CADPS: variants seen among roughly 807,000 people sequenced by gnomAD.
The protein encoded by CADPS is calcium-dependent secretion activator 1.
In CADPS, 57 loss-of-function variants were observed where a neutral mutation model predicts 167.3. The observed-to-expected ratio is 0.34, with a 90% CI of 0.28 to 0.42. CADPS has a LOEUF of 0.42. CADPS is among the 20% of genes least tolerant of loss of function. The pLI is 1.00. For missense variants in CADPS, 1,414 were observed against 1,738.1 expected (o/e 0.81, Z 3.32); for synonymous variants, 676 against 635.3 (o/e 1.06, Z -0.96).
intron 19 of CADPS, among the ~76,000 whole-genome samples, chr3:62,493,215 CA>C (rs752873050): frequency 2.6e-5 from 4 of 152,140 alleles, no homozygotes; most frequent in East Asian, 1.9e-4. Flanking sequence ...TGCAGGGTCT[CA>C]GGGGGTGACA....
chr3:62,622,429 C>A (rs967014539), intron 6 of CADPS, among the ~76,000 whole-genome samples: 12 of 152,156 alleles, frequency 7.9e-5, no homozygotes, highest in Admixed American at 5.9e-4. Context: ...GCTGAACAAT[C>A]AGGCCCATAT....
chr3:62,505,737 C>T (rs1243582685), intron 17 of CADPS, among the ~76,000 whole-genome samples: 1 of 152,172 alleles, frequency 6.6e-6, no homozygotes, highest in African/African-American at 2.4e-5. Flanking sequence ...GCTCCTCTGT[C>T]GATGCTTCTA....
Position 62,420,370 on chromosome 3 carries a change from T to C in CADPS, c.3778-17185A>G, listed in dbSNP as rs2051033741. On this transcript the variant is annotated intron_variant, in intron 28 of 29. Transcript: ENST00000383710. This position sits in a 1 kb window ranked among gnomAD's most constrained non-coding sequence, Gnocchi z 4.1. ...TCATAAGGGAAGAACATGATCTTTT[T>C]AGGAGCTGGATATGGCATTGAGTGG... Among the ~76,000 whole-genome samples the C allele has an allele frequency of 6.6e-6, 1 of 152,226 alleles. No individual in the cohort carries two copies. Among genetic ancestry groups the C allele is most frequent in the Admixed American group, 6.5e-5 (1 of 15,284 alleles).
At chr3:62,573,895 C>T (rs574793266) in intron 8 of CADPS, among the ~76,000 whole-genome samples, 27 of 152,300 alleles carry the variant, frequency 1.8e-4, no homozygotes, top group Admixed American at 1.2e-3. Context: ...TTCTGAATTC[C>T]TTTCAGTTCC....
intron 3 of CADPS, among the ~76,000 whole-genome samples, chr3:62,741,272 T>G (rs2080180413): frequency 6.6e-6 from 1 of 152,162 alleles, no homozygotes; most frequent in Non-Finnish European, 1.5e-5. Flanking sequence ...TAACTGATTT[T>G]ATAAGGCCAG....
At chr3:62,439,608 C>T (rs2055880510) in intron 27 of CADPS, 1 of 152,170 alleles carries the variant, frequency 6.6e-6, no homozygotes, top group South Asian at 2.1e-4. Flanking sequence ...TAAGCAGGCA[C>T]CTCTCTCCTT....
At chr3:62,610,772 C>T (rs531267446) in intron 6 of CADPS, among the ~76,000 whole-genome samples, 1 of 152,036 alleles carries the variant, frequency 6.6e-6, no homozygotes, top group Non-Finnish European at 1.5e-5. Context: ...ACTAGCCAGG[C>T]CTCCTCAGTC....
chr3:62,633,040 A>G (rs527582600), intron 6 of CADPS, among the ~76,000 whole-genome samples: 1 of 152,214 alleles, frequency 6.6e-6, no homozygotes, highest in South Asian at 2.1e-4. Flanking sequence ...ACAAATTGAC[A>G]AGCAGTGTGT....
In CADPS at chr3:62,875,183, C is replaced by G. The variant is rs2083442247; in HGVS notation, c.-154G>C. 2 of 1,035,782 alleles carry G rather than the reference C, an allele frequency of 1.9e-6. No individual in the cohort carries two copies. The highest frequency in any genetic ancestry group is 4.5e-5 in the Admixed American group (1 of 22,250). The allele number at this position is 1,035,782 out of a possible 1,614,324, so 64.2% of individuals were successfully genotyped here. On this transcript the variant is annotated 5_prime_UTR_variant, in exon 1 of 30. Transcript: ENST00000383710. Reference sequence around the variant, plus strand: ...TGCTGCTCAGCCTCGGCCGCCGCGACTGATCCTCTGCCCGGCGGTCGCGAG... The same window carrying G: ...TGCTGCTCAGCCTCGGCCGCCGCGAGTGATCCTCTGCCCGGCGGTCGCGAG...
rs1360800919 is a variant in CADPS at position 62,753,884 on chromosome 3, C to A, written c.556-111G>T. 5.0e-6 allele frequency: 5 copies of A among 995,566 alleles called. No homozygotes were observed. The highest frequency in any genetic ancestry group is 1.6e-5 in the African/African-American group (1 of 61,318). The allele number at this position is 995,566 out of a possible 1,614,324, so 61.7% of individuals were successfully genotyped here. On this transcript the variant is annotated intron_variant, in intron 2 of 29. Transcript: ENST00000383710. This position sits in a 1 kb window ranked among gnomAD's most constrained non-coding sequence, Gnocchi z 4.6. Reference sequence around the variant, plus strand: ...ACCTCACGTGCATCCCAGGAGGAACCACTGTGGGTCTCACCCTGCCCCACC... The same window carrying A: ...ACCTCACGTGCATCCCAGGAGGAACAACTGTGGGTCTCACCCTGCCCCACC...
intron 1 of CADPS, among the ~76,000 whole-genome samples, chr3:62,866,418 C>T (rs2081692530): frequency 6.6e-6 from 1 of 152,008 alleles, no homozygotes; most frequent in Non-Finnish European, 1.5e-5. Context: ...ACACCTACTA[C>T]ATGTCAGGTA....
At chr3:62,499,132 T>C (rs376234329) in intron 18 of CADPS, 30 bp downstream of exon 18, 72 of 1,416,604 alleles carry the variant, frequency 5.1e-5, no homozygotes, top group Non-Finnish European at 6.9e-5. Flanking sequence ...TAAGGGACAG[T>C]AAGATACACT....
At position 62,727,836 on chromosome 3, in the gene CADPS, A is replaced by T. The variant is rs145158461; in HGVS notation, c.888+25605T>A. Among the ~76,000 whole-genome samples the T allele has an allele frequency of 1.5e-3, 234 of 151,976 alleles. 7 individuals are homozygous for T. Among genetic ancestry groups the T allele is most frequent in the African/African-American group, 5.5e-3 (225 of 41,276 alleles). ...AAGCTTCCCCTCAAATACTTAGCTCACTTATACCCAGAGTGACACTAAAAT... is the reference window on the plus strand; with the variant it reads ...AAGCTTCCCCTCAAATACTTAGCTCTCTTATACCCAGAGTGACACTAAAAT... On this transcript the variant is annotated intron_variant, in intron 3 of 29. Transcript: ENST00000383710.
chr3:62,524,173 T>C (rs1225544655), intron 13 of CADPS, among the ~76,000 whole-genome samples: 1 of 152,248 alleles, frequency 6.6e-6, no homozygotes, highest in Non-Finnish European at 1.5e-5. Flanking sequence ...TGGAAAGTTT[T>C]CCTTTGTCTC....
intron 1 of CADPS, among the ~76,000 whole-genome samples, chr3:62,870,055 A>AAT (rs2082337659): frequency 6.6e-6 from 1 of 152,134 alleles, no homozygotes; most frequent in Non-Finnish European, 1.5e-5. Flanking sequence ...ATGAGGCAAG[A>AAT]ACCTTTCATG....
rs553685129 is a variant in CADPS, at chr3:62,430,897, C to T, written c.3777+7207G>A. ...AATTGCCAGAGTTTACTTTGGGGCT[C>T]GAAAATAGATGAAAGAATCAACTGT... On this transcript the variant is annotated intron_variant, in intron 28 of 29. Transcript: ENST00000383710. 5.3e-5 allele frequency among the ~76,000 whole-genome samples: 8 copies of T among 151,980 alleles called. No individual in the cohort carries two copies. The South Asian group carries it at 6.2e-4, about 12-fold the overall frequency.
intron 4 of CADPS, among the ~76,000 whole-genome samples, chr3:62,653,337 A>T (rs763068293): frequency 4.1e-4 from 62 of 152,064 alleles, no homozygotes; most frequent in Non-Finnish European, 8.2e-4. Context: ...GCATGTGAGG[A>T]CCTGGTAAAA....
chr3:62,557,715 C>T (rs1024844601), intron 9 of CADPS, among the ~76,000 whole-genome samples: 2 of 152,180 alleles, frequency 1.3e-5, no homozygotes, highest in African/African-American at 4.8e-5. Context: ...TGGATACAAT[C>T]TTAGAACCTA....
intron 3 of CADPS, among the ~76,000 whole-genome samples, chr3:62,685,292 A>C (rs2077800460): frequency 6.6e-6 from 1 of 152,000 alleles, no homozygotes; most frequent in Non-Finnish European, 1.5e-5. Context: ...AACACCCACT[A>C]AGGCACACAA....
Sources: allele counts gnomAD v4.1 joint callset (sites outside exome capture counted in the v4.1 genomes callset), GRCh38; gene constraint gnomAD v4.1.1; non-coding constraint Gnocchi (gnomAD v3.1); transcripts MANE v1.5; gene names NCBI Gene and HGNC (gene_info 2026-07-23, HGNC 2026-07-21).